The following MCPH1 variants were observed in gnomAD, a reference collection of about 807,000 sequenced individuals.
The protein encoded by MCPH1 is microcephalin.
In MCPH1, 104 loss-of-function variants were observed where a neutral mutation model predicts 84.5. The ratio of observed to expected loss-of-function variants is 1.23; its 90% CI spans 1.05 to 1.45. The LOEUF is 1.45. Among genes scored for constraint, MCPH1 ranks in the 40% most tolerant of loss-of-function variants. MCPH1 has a pLI of 0.00. For synonymous variants in MCPH1, 514 were observed against 366.8 expected (o/e 1.40, Z -4.58); for missense variants, 1,498 against 1,005.7 (o/e 1.49, Z -6.62).
rs192307043 is a variant in MCPH1 at position 6,467,670 on chromosome 8, A to G, written c.1936-9924A>G. Among the ~76,000 whole-genome samples the G allele has an allele frequency of 1.2e-3, 186 of 152,280 alleles. 3 individuals carry two copies. The East Asian group carries it at 0.03, about 25-fold the overall frequency. On this transcript the variant is annotated intron_variant, in intron 9 of 13. Coordinates refer to ENST00000344683, the MANE Select transcript of MCPH1 (RefSeq NM_024596.5). ...GAGTGCCGTGGCGAGATCATAGCTC[A>G]CTGCAGCCTTGATTGCCTGGGCTCA... is the stretch of plus-strand genomic sequence containing the variant.
At chr8:6,527,828 T>G in intron 12 of MCPH1, 1 of 744,248 alleles carries the variant, frequency 1.3e-6, no homozygotes, top group Non-Finnish European at 2.1e-6. Context: ...TTTTTCATTT[T>G]CAGAAAAGGC....
rs59299448 is a variant in MCPH1 at position 6,559,230 on chromosome 8, A to AACACACACACACACACACAC, written c.2214+59313_2214+59332dup. Among the ~76,000 whole-genome samples, 540 of 146,822 alleles carry AACACACACACACACACACAC rather than the reference A, an allele frequency of 3.7e-3. 8 individuals carry two copies. The highest frequency in any genetic ancestry group is 0.022 in the Admixed American group (328 of 14,700). The stretch of plus-strand genomic sequence containing the variant: ...TGAGTGTTTTGTAGCCACACACGAC[A>AACACACACACACACACACAC]ACACACACACACACACACACACACA... On this transcript the variant is annotated intron_variant, in intron 12 of 13. Transcript: ENST00000344683.
intron 9 of MCPH1, among the ~76,000 whole-genome samples, chr8:6,476,398 C>A (rs1481576129): frequency 7.1e-6 from 1 of 141,062 alleles, no homozygotes; most frequent in Non-Finnish European, 1.5e-5. Flanking sequence ...CATTGCACTC[C>A]AGTCTGGGCA....
chr8:6,586,593 G>A (rs1334825163), intron 12 of MCPH1, among the ~76,000 whole-genome samples: 3 of 152,172 alleles, frequency 2.0e-5, no homozygotes, highest in African/African-American at 7.2e-5. Context: ...TGCATGTCTG[G>A]GGGGAATTCT....
chr8:6,478,482 GT>G (rs1240469230), intron 10 of MCPH1, among the ~76,000 whole-genome samples: 1 of 152,010 alleles, frequency 6.6e-6, no homozygotes, highest in East Asian at 1.9e-4. Context: ...AAAATTACTA[GT>G]TAACTGCTTA....
chr8:6,619,394 G>A (rs964513105), intron 12 of MCPH1, among the ~76,000 whole-genome samples: 2 of 151,734 alleles, frequency 1.3e-5, no homozygotes, highest in Non-Finnish European at 2.9e-5. Flanking sequence ...AGATTCAAGC[G>A]ATTCTCCTGC....
chr8:6,603,819 A>G (rs1031072124), intron 12 of MCPH1, among the ~76,000 whole-genome samples: 1 of 152,214 alleles, frequency 6.6e-6, no homozygotes, highest in African/African-American at 2.4e-5. Flanking sequence ...AATACTCTGT[A>G]TGCTACAATT....
intron 3 of MCPH1, among the ~76,000 whole-genome samples, chr8:6,427,932 A>G (rs1319839773): frequency 6.6e-6 from 1 of 151,828 alleles, no homozygotes; most frequent in Non-Finnish European, 1.5e-5. Flanking sequence ...AGCTGGAATT[A>G]CAGGCACGCA....
intron 12 of MCPH1, among the ~76,000 whole-genome samples, chr8:6,551,540 G>A (rs866104612): frequency 3.9e-5 from 6 of 152,140 alleles, no homozygotes; most frequent in Admixed American, 1.3e-4. Context: ...TGAGGGGCTG[G>A]TGTTCTGATT....
chr8:6,495,697 C>T (rs1374965742), intron 11 of MCPH1, among the ~76,000 whole-genome samples: 1 of 152,066 alleles, frequency 6.6e-6, no homozygotes, highest in Non-Finnish European at 1.5e-5. Context: ...CACTTTTTAC[C>T]ACAGTTGGTG....
At chr8:6,601,465 C>T (rs1020743646) in intron 12 of MCPH1, among the ~76,000 whole-genome samples, 11 of 151,652 alleles carry the variant, frequency 7.3e-5, no homozygotes, top group African/African-American at 2.2e-4. Context: ...GGGAGCCGGA[C>T]GTCTGTGGCG....
At chr8:6,500,959 C>T (rs1417911132) in intron 12 of MCPH1, 2 of 152,214 alleles carry the variant, frequency 1.3e-5, no homozygotes, top group South Asian at 4.1e-4. Context: ...ATCCATCACT[C>T]TTGTCATTGA....
At position 6,506,536 on chromosome 8, in the gene MCPH1, C is replaced by T. The variant is rs142334534; in HGVS notation, c.2214+6607C>T. On this transcript the variant is annotated intron_variant, in intron 12 of 13. Coordinates refer to ENST00000344683, the MANE Select transcript of MCPH1 (RefSeq NM_024596.5). ...AAGCACACCCTTCTCAAGGAGAGAG[C>T]TGGGTCCAGCATGTGGGGAAATGGT... Among the ~76,000 whole-genome samples the T allele has an allele frequency of 2.0e-3, 305 of 152,308 alleles. 1 individual carries two copies. Among genetic ancestry groups the T allele is most frequent in the African/African-American group, 7.2e-3 (298 of 41,568 alleles).
chr8:6,451,227 G>A (rs1288606610), intron 8 of MCPH1, among the ~76,000 whole-genome samples: 1 of 152,162 alleles, frequency 6.6e-6, no homozygotes, highest in Non-Finnish European at 1.5e-5. Flanking sequence ...AACTTGATGT[G>A]GGTTAGTCAG....
chr8:6,634,943 G>A (rs544021532), intron 13 of MCPH1: 3 of 152,352 alleles, frequency 2.0e-5, no homozygotes, highest in African/African-American at 7.2e-5. Context: ...TTCAGGAGCT[G>A]AGCATGAAGG....
intron 12 of MCPH1, among the ~76,000 whole-genome samples, chr8:6,575,173 G>C (rs980160783): frequency 6.6e-6 from 1 of 152,172 alleles, no homozygotes; most frequent in Non-Finnish European, 1.5e-5. Flanking sequence ...AGAGCCACCT[G>C]GGTTGGAAGC....
intron 12 of MCPH1, among the ~76,000 whole-genome samples, chr8:6,580,108 A>T (rs895453524): frequency 3.3e-5 from 5 of 152,306 alleles, no homozygotes; most frequent in African/African-American, 1.2e-4. Context: ...CGCTGGGACA[A>T]TGGGAAGTAT....
chr8:6,585,435 C>T (rs1827893969), intron 12 of MCPH1, among the ~76,000 whole-genome samples: 1 of 152,250 alleles, frequency 6.6e-6, no homozygotes, highest in South Asian at 2.1e-4. Flanking sequence ...GGAGCCCCTT[C>T]CCGGGAACGC....
At chr8:6,561,718 C>A (rs948958098) in intron 12 of MCPH1, among the ~76,000 whole-genome samples, 8 of 152,120 alleles carry the variant, frequency 5.3e-5, no homozygotes, top group Non-Finnish European at 7.4e-5. Flanking sequence ...TATATATAGT[C>A]CATATAAAGA....
Sources: gnomAD v4.1 joint callset for allele counts (sites outside exome capture counted in the v4.1 genomes callset) on GRCh38, gnomAD v4.1.1 for gene constraint, MANE v1.5 for transcripts, NCBI Gene and HGNC (gene_info 2026-07-23, HGNC 2026-07-21) for gene names.